The following PSD3 variants were observed in gnomAD, a reference collection of about 807,000 sequenced individuals.
PSD3 encodes pleckstrin and Sec7 domain containing 3, also known as PH and SEC7 domain-containing protein 3.
Under a neutral mutation model 105.5 loss-of-function variants are expected in PSD3, and 49 were observed. The observed-to-expected ratio is 0.46, with a 90% CI of 0.37 to 0.59. The LOEUF (loss-of-function observed/expected upper bound fraction) is 0.59. Among genes scored for constraint, PSD3 ranks in the 20% least tolerant of loss-of-function variants. PSD3 has a pLI of 0.00. For synonymous variants in PSD3, 557 were observed against 457.8 expected (o/e 1.22, Z -2.77); for missense variants, 1,561 against 1,263.8 (o/e 1.24, Z -3.57).
At chr8:19,005,827 A>T (rs534141593) in intron 1 of PSD3, among the ~76,000 whole-genome samples, 16 of 151,994 alleles carry the variant, frequency 1.1e-4, no homozygotes, top group Admixed American at 9.2e-4. Flanking sequence ...TCTAAAATTG[A>T]CTATGGTGAT....
chr8:18,899,514 C>A (rs2129460497), intron 2 of PSD3, among the ~76,000 whole-genome samples: 1 of 152,206 alleles, frequency 6.6e-6, no homozygotes, highest in East Asian at 1.9e-4. Flanking sequence ...ACAATTCTTT[C>A]CATAAAACAC....
In PSD3 at chr8:18,970,999, A is replaced by C. The variant is rs538979853; in HGVS notation, c.22-34857T>G. Among the ~76,000 whole-genome samples, 8 of 152,058 alleles carry C rather than the reference A, an allele frequency of 5.3e-5. No homozygotes were observed. The South Asian group carries it at 1.7e-3, about 32-fold the overall frequency. On this transcript the variant is annotated intron_variant, in intron 1 of 15. Coordinates refer to ENST00000327040, the MANE Select transcript of PSD3 (RefSeq NM_015310.4). Reference sequence around the variant, plus strand: ...GTCTCAAGAAAAAAAAAAAAAGACAAAAAATTCCTAACTGCCACATAAATA... The same window carrying C: ...GTCTCAAGAAAAAAAAAAAAAGACACAAAATTCCTAACTGCCACATAAATA...
chr8:18,752,559 T>TATATACTAC (rs1554489488), intron 9 of PSD3, among the ~76,000 whole-genome samples: 9 of 71,120 alleles, frequency 1.3e-4, no homozygotes, highest in Admixed American at 7.1e-4. Flanking sequence ...TATATAATTA[T>TATATACTAC]ATATATTATA....
chr8:18,613,446 G>T (rs745402175), intron 11 of PSD3, among the ~76,000 whole-genome samples: 9 of 152,204 alleles, frequency 5.9e-5, no homozygotes, highest in Admixed American at 4.6e-4. Context: ...TTGCTGATGC[G>T]TATTTCCTTT....
chr8:19,053,870 G>C (rs1018088993), intron 1 of PSD3, among the ~76,000 whole-genome samples: 2 of 152,170 alleles, frequency 1.3e-5, no homozygotes, highest in Non-Finnish European at 2.9e-5. Context: ...ATAATTATTT[G>C]TACAAATGAA....
At chr8:19,024,097 C>T (rs1228254316) in intron 1 of PSD3, among the ~76,000 whole-genome samples, 1 of 152,140 alleles carries the variant, frequency 6.6e-6, no homozygotes, top group East Asian at 1.9e-4. Flanking sequence ...AGAAGAAAGT[C>T]CCCATTTCCC....
intron 8 of PSD3, among the ~76,000 whole-genome samples, chr8:18,784,182 T>C (rs1808904768): frequency 6.6e-6 from 1 of 152,130 alleles, no homozygotes; most frequent in Non-Finnish European, 1.5e-5. Context: ...ATCTAGTTGG[T>C]TTTTATGTTG....
At chr8:19,042,818 T>G (rs1416277139) in intron 1 of PSD3, among the ~76,000 whole-genome samples, 1 of 152,182 alleles carries the variant, frequency 6.6e-6, no homozygotes, top group Admixed American at 6.5e-5. Context: ...ATTGAAGTAC[T>G]TATGAAAAAA....
At chr8:19,060,800 A>T (rs763082939) in intron 1 of PSD3, among the ~76,000 whole-genome samples, 1 of 152,164 alleles carries the variant, frequency 6.6e-6, no homozygotes, top group Non-Finnish European at 1.5e-5. Flanking sequence ...CTGAAGGGGG[A>T]AAGAAGGAAC....
In PSD3 at chr8:18,804,250, G is replaced by A. The variant is rs184334290; in HGVS notation, c.1910+272C>T. 944 of 309,968 alleles carry A rather than the reference G, an allele frequency of 3.0e-3. 4 individuals carry two copies. The highest frequency in any genetic ancestry group is 4.4e-3 in the Non-Finnish European group (758 of 171,540). 19.2% of individuals were successfully genotyped at this position (309,968 alleles called of 1,614,324 possible). A position where few individuals can be genotyped will look rare whatever the true frequency, so the allele number is the denominator to read the frequency against. ...AAAATCTACAACACTTTTCAGTGCT[G>A]AAATAAGGTTCAAAGGAAATGCTCC... On this transcript the variant is annotated intron_variant, in intron 6 of 15. Transcript: ENST00000327040.
At chr8:18,743,746 G>A (rs914126219) in intron 9 of PSD3, among the ~76,000 whole-genome samples, 1 of 148,618 alleles carries the variant, frequency 6.7e-6, no homozygotes, top group Non-Finnish European at 1.5e-5. Flanking sequence ...AGACCAATCT[G>A]GGCAACACAG....
In PSD3 at chr8:18,534,850, T is replaced by C. The variant is rs1161622971; in HGVS notation, c.*893A>G. On this transcript the variant is annotated 3_prime_UTR_variant, in exon 16 of 16. Coordinates refer to ENST00000327040, the MANE Select transcript of PSD3 (RefSeq NM_015310.4). ...ACACACATATGTAGAGTAAGAAAAA[T>C]CTATTCCTGGATGGAAGGATATCAA... is the stretch of plus-strand genomic sequence containing the variant. 6.6e-6 allele frequency: 1 copy of C among 152,170 alleles called. No individual in the cohort carries two copies. Among genetic ancestry groups the C allele is most frequent in the East Asian group, 1.9e-4 (1 of 5,176 alleles). The allele number at this position is 152,170 out of a possible 1,614,324, so 9.4% of individuals were successfully genotyped here. A position where few individuals can be genotyped will look rare whatever the true frequency, so the allele number is the denominator to read the frequency against.
chr8:18,945,267 T>G (rs1345204409), intron 1 of PSD3, among the ~76,000 whole-genome samples: 1 of 151,732 alleles, frequency 6.6e-6, no homozygotes, highest in Non-Finnish European at 1.5e-5. Flanking sequence ...AAGTGAACCC[T>G]AAATGACATC....
At chr8:18,881,815 T>C (rs1818123919) in intron 2 of PSD3, among the ~76,000 whole-genome samples, 2 of 152,212 alleles carry the variant, frequency 1.3e-5, no homozygotes, top group Admixed American at 6.5e-5. Context: ...TTCTTTACAA[T>C]TATATCTCCA....
intron 2 of PSD3, among the ~76,000 whole-genome samples, chr8:18,885,235 A>G (rs1818380298): frequency 1.3e-5 from 2 of 152,110 alleles, no homozygotes; most frequent in Admixed American, 1.3e-4. Flanking sequence ...GGGAATCCAT[A>G]CTTTTAAAAA....
chr8:18,594,725 G>T (rs557173599), intron 12 of PSD3, among the ~76,000 whole-genome samples: 30 of 151,758 alleles, frequency 2.0e-4, no homozygotes, highest in Middle Eastern at 3.4e-3. Flanking sequence ...ACATGACACA[G>T]TATTTGCATA....
At chr8:18,782,494 C>T (rs1024063556) in intron 8 of PSD3, among the ~76,000 whole-genome samples, 4 of 152,054 alleles carry the variant, frequency 2.6e-5, no homozygotes, top group African/African-American at 4.8e-5. Context: ...CTTTTAGTAA[C>T]GGCTGTAGTG....
intron 1 of PSD3, among the ~76,000 whole-genome samples, chr8:18,952,124 A>G (rs1431698250): frequency 1.3e-5 from 2 of 152,194 alleles, no homozygotes; most frequent in African/African-American, 4.8e-5. Context: ...TCTTAAATAC[A>G]GAACACTGGA....
intron 11 of PSD3, among the ~76,000 whole-genome samples, chr8:18,614,547 G>C (rs1805513823): frequency 6.6e-6 from 1 of 151,986 alleles, no homozygotes; most frequent in African/African-American, 2.4e-5. Context: ...TAAACACCCA[G>C]GCTTAAAAGG....
Sources: gnomAD v4.1 joint callset for allele counts (sites outside exome capture counted in the v4.1 genomes callset) on GRCh38, gnomAD v4.1.1 for gene constraint, MANE v1.5 for transcripts, NCBI Gene and HGNC (gene_info 2026-07-23, HGNC 2026-07-21) for gene names.